The following COG6 variants were observed in gnomAD, a reference collection of about 807,000 sequenced individuals.
The protein encoded by COG6 is conserved oligomeric Golgi complex subunit 6.
Under a neutral mutation model 88.8 loss-of-function variants are expected in COG6, and 74 were observed. The observed-to-expected ratio is 0.83, with a 90% confidence interval of 0.69 to 1.01. COG6 has a LOEUF of 1.01. Ranked by LOEUF, COG6 falls within the 50% of genes least tolerant of loss-of-function variation. COG6 has a pLI of 0.00. For synonymous variants in COG6, 286 were observed against 278.7 expected (o/e 1.03, Z -0.26); for missense variants, 800 against 797.9 (o/e 1.00, Z -0.03).
chr13:39,717,674 CTGGGCAA>C (rs1248299470), intron 13 of COG6, among the ~76,000 whole-genome samples: 1 of 151,992 alleles, frequency 6.6e-6, no homozygotes, highest in African/African-American at 2.4e-5. Context: ...TGAGACCAGC[CTGGGCAA>C]CATAGCAAGA....
intron 18 of COG6, among the ~76,000 whole-genome samples, chr13:39,767,588 G>A (rs1159826317): frequency 1.3e-5 from 2 of 152,214 alleles, no homozygotes; most frequent in Non-Finnish European, 2.9e-5. Flanking sequence ...GTGTGTGTTA[G>A]TGGTGGGAGC....
chr13:39,711,719 A>T (rs1320920526), intron 13 of COG6, among the ~76,000 whole-genome samples: 2 of 152,208 alleles, frequency 1.3e-5, no homozygotes, highest in Non-Finnish European at 2.9e-5. Flanking sequence ...ATTTTTTCAC[A>T]TTACAAAATA....
At chr13:39,733,853 A>G (rs188920897) in intron 18 of COG6, among the ~76,000 whole-genome samples, 20 of 152,130 alleles carry the variant, frequency 1.3e-4, no homozygotes, top group African/African-American at 4.8e-4. Context: ...GAATTTCTTC[A>G]TGGTTCAGTC....
intron 18 of COG6, among the ~76,000 whole-genome samples, chr13:39,728,197 G>T (rs1879240539): frequency 6.6e-6 from 1 of 152,070 alleles, no homozygotes; most frequent in Admixed American, 6.6e-5. Context: ...AGGAGTTAAG[G>T]CTTAAAAGAC....
intron 2 of COG6, among the ~76,000 whole-genome samples, chr13:39,660,119 T>C (rs1402383790): frequency 1.3e-5 from 2 of 152,200 alleles, no homozygotes; most frequent in Non-Finnish European, 2.9e-5. Context: ...TCAATAAAAA[T>C]AGGTTGTTTT....
intron 18 of COG6, among the ~76,000 whole-genome samples, chr13:39,765,988 C>G (rs1881152071): frequency 6.6e-6 from 1 of 152,198 alleles, no homozygotes; most frequent in Non-Finnish European, 1.5e-5. Context: ...GCAACCCAAC[C>G]CTTGGCTCAC....
chr13:39,667,202 A>G (rs764643438), intron 4 of COG6, among the ~76,000 whole-genome samples: 3 of 152,252 alleles, frequency 2.0e-5, no homozygotes, highest in Non-Finnish European at 4.4e-5. Flanking sequence ...CAAATAAAAT[A>G]GTCTTTTGAT....
In COG6 at chr13:39,752,550, A is replaced by G; in HGVS notation, c.*1457A>G. ...AGAGAAAGAAGATTGATACCTTGCT[A>G]TGAGTGAATTCCTTTGTTTTATAGG... On this transcript the variant is annotated 3_prime_UTR_variant, in exon 19 of 19. Coordinates refer to ENST00000455146, the MANE Select transcript of COG6 (RefSeq NM_020751.3). 1 of 1,240,706 alleles carries G rather than the reference A, an allele frequency of 8.1e-7. No individual in the cohort carries two copies. Among genetic ancestry groups the G allele is most frequent in the South Asian group, 1.3e-5 (1 of 76,956 alleles). The allele number at this position is 1,240,706 out of a possible 1,614,324, so 76.9% of individuals were successfully genotyped here.
At chr13:39,782,143 A>G (rs1566048158) in intron 18 of COG6, among the ~76,000 whole-genome samples, 1 of 152,238 alleles carries the variant, frequency 6.6e-6, no homozygotes, top group African/African-American at 2.4e-5. Flanking sequence ...AGAAAAGCCT[A>G]GGAATCATCA....
In COG6 at chr13:39,751,751, G is replaced by A; in HGVS notation, c.*658G>A. On this transcript the variant is annotated 3_prime_UTR_variant, in exon 19 of 19. Coordinates refer to ENST00000455146, the MANE Select transcript of COG6 (RefSeq NM_020751.3). ...ACACTCAGCAATAATTAGAAAAAAA[G>A]GAGAGAGAAAAGTGATTTAAACAGG... is the stretch of plus-strand genomic sequence containing the variant. 5 of 1,286,968 alleles carry A rather than the reference G, an allele frequency of 3.9e-6. No individual in the cohort carries two copies. The highest frequency in any genetic ancestry group is 2.0e-6 in the Non-Finnish European group (2 of 988,522). The allele number at this position is 1,286,968 out of a possible 1,614,324, so 79.7% of individuals were successfully genotyped here. A position where few individuals can be genotyped will look rare whatever the true frequency, so the allele number is the denominator to read the frequency against.
At chr13:39,710,930 AT>A (rs933039291) in intron 13 of COG6, among the ~76,000 whole-genome samples, 1 of 152,130 alleles carries the variant, frequency 6.6e-6, no homozygotes, top group African/African-American at 2.4e-5. Flanking sequence ...CTTTTAAAAA[AT>A]ATTAACTTAT....
intron 18 of COG6, 58 bp from the exon 19 acceptor site, chr13:39,750,888 T>G: frequency 7.4e-7 from 1 of 1,348,742 alleles, no homozygotes; most frequent in Non-Finnish European, 1.1e-6. Context: ...GTCTTACAAT[T>G]CTTAGTAAAT....
intron 18 of COG6, among the ~76,000 whole-genome samples, chr13:39,767,201 T>A (rs1035247744): frequency 1.3e-5 from 2 of 152,230 alleles, no homozygotes; most frequent in Non-Finnish European, 2.9e-5. Flanking sequence ...AACGTTTATC[T>A]GCTTTCTACA....
intron 4 of COG6, 48 bp from the exon 5 acceptor site, chr13:39,677,420 C>T (rs1022911093): frequency 7.8e-6 from 8 of 1,027,080 alleles, no homozygotes; most frequent in Non-Finnish European, 1.2e-5. Context: ...TAAAGCTATG[C>T]AACTGTGTAA....
In COG6 at chr13:39,740,031, A is replaced by T. The variant is rs1340712699; in HGVS notation, c.1827-10915A>T. On this transcript the variant is annotated intron_variant, in intron 18 of 18. Coordinates refer to ENST00000455146, the MANE Select transcript of COG6 (RefSeq NM_020751.3). ...AATAGTCACAGGATTGTTTCCTAGA[A>T]ATAAATTTGATAATATACGTGGAAA... Among the ~76,000 whole-genome samples, 4 of 152,188 alleles carry T rather than the reference A, an allele frequency of 2.6e-5. No individual in the cohort carries two copies. The East Asian group carries it at 7.7e-4, about 29-fold the overall frequency.
chr13:39,705,312 C>T lies in COG6; in HGVS notation c.1284+5694C>T, dbSNP rs547534260. Among the ~76,000 whole-genome samples the T allele has an allele frequency of 7.5e-4, 114 of 152,126 alleles. 1 individual carries two copies. The highest frequency in any genetic ancestry group is 2.5e-3 in the African/African-American group (105 of 41,492). ...ACTTGGGAGCTAATTCTTTATCTAG[C>T]GTGAGAAAAAGGAAATTCAAGGACA... On this transcript the variant is annotated intron_variant, in intron 13 of 18. Transcript: ENST00000455146.
At chr13:39,761,086 T>G (rs1000677452) in intron 18 of COG6, among the ~76,000 whole-genome samples, 3 of 152,034 alleles carry the variant, frequency 2.0e-5, no homozygotes, top group Admixed American at 6.6e-5. Context: ...TTACTTCAAC[T>G]CTATGTATCA....
Position 39,719,964 on chromosome 13 carries a change from C to T in COG6, c.1584+137C>T, listed in dbSNP as rs1878761727. On this transcript the variant is annotated intron_variant, in intron 15 of 18. Coordinates refer to ENST00000455146, the MANE Select transcript of COG6 (RefSeq NM_020751.3). ...TGATATCATCTGATGAAAGGACACACATGCATATACACAACACACGCACAT... is the reference window on the plus strand; with the variant it reads ...TGATATCATCTGATGAAAGGACACATATGCATATACACAACACACGCACAT... The T allele has an allele frequency of 9.2e-6, 6 of 648,986 alleles. No homozygotes were observed. The Admixed American group carries it at 1.3e-4, about 14-fold the overall frequency. The allele number at this position is 648,986 out of a possible 1,614,324, so 40.2% of individuals were successfully genotyped here. A position where few individuals can be genotyped will look rare whatever the true frequency, so the allele number is the denominator to read the frequency against.
intron 18 of COG6, among the ~76,000 whole-genome samples, chr13:39,764,711 G>A (rs9566474): frequency 0.42 from 63,185 of 151,682 alleles, 13,501 homozygotes; most frequent in Admixed American, 0.57. Flanking sequence ...GCTTAATTCC[G>A]CTATAACCAG....
Sources: allele counts gnomAD v4.1 joint callset (sites outside exome capture counted in the v4.1 genomes callset), GRCh38; gene constraint gnomAD v4.1.1; transcripts MANE v1.5; gene names NCBI Gene and HGNC (gene_info 2026-07-23, HGNC 2026-07-21).